UBAP2: variants seen among roughly 807,000 people sequenced by gnomAD.
UBAP2 encodes ubiquitin associated protein 2.
In UBAP2, 75 loss-of-function variants were observed where a neutral mutation model predicts 139.6. The observed-to-expected ratio is 0.54, with a 90% CI of 0.45 to 0.65. The LOEUF (loss-of-function observed/expected upper bound fraction) is 0.65. Among genes scored for constraint, UBAP2 ranks in the 30% least tolerant of loss-of-function variants. The probability of loss-of-function intolerance (pLI) is 0.00; values close to 1 mark genes in which losing one functional copy is unlikely to be tolerated. For missense variants in UBAP2, 1,368 were observed against 1,369.6 expected, an observed-to-expected ratio of 1.00 and a Z score of 0.02; for synonymous variants, 526 against 526.2, an observed-to-expected ratio of 1.00 and a Z score of 0.01.
chr9:33,931,837 C>CTT (rs1824009182), intron 19 of UBAP2, among the ~76,000 whole-genome samples: 1 of 152,174 alleles, frequency 6.6e-6, no homozygotes, highest in Admixed American at 6.5e-5. Context: ...GACCTGCCTA[C>CTT]TCCAACCTCG....
intron 4 of UBAP2, 77 bp from the exon 5 acceptor site, chr9:33,989,203 CTTTTTT>C (rs34957423): frequency 0.1 from 123,227 of 1,187,864 alleles, 3,892 homozygotes; most frequent in Non-Finnish European, 0.11. Flanking sequence ...ATGTATCTTT[CTTTTTT>C]TTTTTTTTTT....
chr9:34,023,001 C>T (rs1365262704), intron 1 of UBAP2, among the ~76,000 whole-genome samples: 2 of 151,794 alleles, frequency 1.3e-5, no homozygotes, highest in Non-Finnish European at 2.9e-5. Context: ...CCGAGGCAGG[C>T]GGATCACGAG....
chr9:33,925,885 T>C (rs1823386499), intron 22 of UBAP2, among the ~76,000 whole-genome samples: 1 of 152,054 alleles, frequency 6.6e-6, no homozygotes, highest in Non-Finnish European at 1.5e-5. Flanking sequence ...CCCTGGGAAA[T>C]GGCAGAGCAA....
intron 20 of UBAP2, 41 bp downstream of exon 20, chr9:33,927,756 G>A (rs1339246626): frequency 6.4e-7 from 1 of 1,559,248 alleles, no homozygotes; most frequent in African/African-American, 1.4e-5. Flanking sequence ...GCACCTTTGA[G>A]GGGCTCAGGG....
chr9:33,980,294 G>A (rs532703523), intron 6 of UBAP2, among the ~76,000 whole-genome samples: 1 of 123,178 alleles, frequency 8.1e-6, no homozygotes, highest in African/African-American at 3.0e-5. Flanking sequence ...GTGCAGTGGC[G>A]TGATCTCGGG....
At position 33,981,144 on chromosome 9, in the gene UBAP2, TATATATATATATATTCTGG is replaced by T. The variant is rs1342324429; in HGVS notation, c.520+5597_520+5615del. ...TATATATATATATATATATTCTGGA[TATATATATATATATTCTGG>T]ATATATATATATATATTCTGGATAT... On this transcript the variant is annotated intron_variant, in intron 6 of 28. Coordinates refer to ENST00000379238, the MANE Select transcript of UBAP2 (RefSeq NM_001370062.2). Among the ~76,000 whole-genome samples the T allele has an allele frequency of 7.5e-4, 20 of 26,752 alleles. 7 individuals carry two copies. Among genetic ancestry groups the T allele is most frequent in the South Asian group, 1.5e-3 (1 of 672 alleles). The allele number at this position is 26,752 out of a possible 152,430, so 17.6% of individuals were successfully genotyped here.
chr9:33,935,068 T>C (rs1322729413), intron 17 of UBAP2, among the ~76,000 whole-genome samples: 1 of 148,898 alleles, frequency 6.7e-6, no homozygotes, highest in East Asian at 2.0e-4. Context: ...AGAAAACTAC[T>C]ATAAACCATC....
At chr9:34,032,916 CAAAAAAA>C (rs71506153) in intron 1 of UBAP2, among the ~76,000 whole-genome samples, 1 of 118,074 alleles carries the variant, frequency 8.5e-6, no homozygotes, top group Non-Finnish European at 1.7e-5. Context: ...ACCCTGTCTT[CAAAAAAA>C]AAAAAAAAAA....
At chr9:33,936,012 G>T (rs1824479974) in intron 16 of UBAP2, 134 bp from the exon 17 acceptor site, 2 of 1,017,142 alleles carry the variant, frequency 2.0e-6, no homozygotes, top group Non-Finnish European at 2.8e-6. Flanking sequence ...TTAATAAAGG[G>T]AAGATAAACA....
At chr9:34,009,092 T>G (rs1823511543) in intron 2 of UBAP2, among the ~76,000 whole-genome samples, 1 of 151,236 alleles carries the variant, frequency 6.6e-6, no homozygotes, top group African/African-American at 2.4e-5. Flanking sequence ...CCCTAAAAAT[T>G]TGGTGTTTTG....
At chr9:33,973,142 G>A in intron 7 of UBAP2, 41 bp downstream of exon 7, 1 of 1,589,442 alleles carries the variant, frequency 6.3e-7, no homozygotes. Context: ...ATAAAAACTA[G>A]GGAAGTAAAT....
intron 16 of UBAP2, among the ~76,000 whole-genome samples, chr9:33,939,413 G>A (rs1387800914): frequency 2.0e-5 from 3 of 151,442 alleles, no homozygotes; most frequent in Non-Finnish European, 2.9e-5. Flanking sequence ...TGCCCAGGCT[G>A]GTCTCGAACT....
intron 12 of UBAP2, among the ~76,000 whole-genome samples, chr9:33,950,093 T>C (rs895083134): frequency 6.6e-6 from 1 of 152,122 alleles, no homozygotes; most frequent in Non-Finnish European, 1.5e-5. Flanking sequence ...TTTGAGACAG[T>C]CTCGCTCTGT....
chr9:33,998,921 C>T, intron 2 of UBAP2, 57 bp from the exon 3 acceptor site: 1 of 1,468,788 alleles, frequency 6.8e-7, no homozygotes, highest in East Asian at 2.3e-5. Context: ...AGTTAGATTC[C>T]AAAATCTGGG....
At chr9:33,930,455 AAACAAC>A (rs754708465) in intron 19 of UBAP2, among the ~76,000 whole-genome samples, 19 of 152,032 alleles carry the variant, frequency 1.2e-4, no homozygotes, top group African/African-American at 3.9e-4. Context: ...AACTGTGGGG[AAACAAC>A]AACAACAACA....
chr9:33,957,200 T>C (rs1826644298), intron 10 of UBAP2, among the ~76,000 whole-genome samples: 2 of 152,238 alleles, frequency 1.3e-5, no homozygotes, highest in Admixed American at 1.3e-4. Context: ...AATTTTACAT[T>C]TCATTTTTAT....
rs767685643 is a variant in UBAP2, at chr9:33,989,053, T to C, written c.362A>G (p.Glu121Gly). 2 of 1,614,002 alleles carry C rather than the reference T, an allele frequency of 1.2e-6. No individual in the cohort carries two copies. Among genetic ancestry groups the C allele is most frequent in the African/African-American group, 2.7e-5 (2 of 74,922 alleles). The change falls in exon 5 of 29, where the codon GAG becomes GGG. Residue 121 changes from glutamate to glycine, a missense_variant. Physicochemically the swap from Glu to Gly is moderately conservative, Grantham distance 98. Transcript: ENST00000379238. ...KENSENKENREKKSEKESSRG... is the reference protein window; with the variant it reads ...KENSENKENRGKKSEKESSRG... The stretch of plus-strand genomic sequence containing the variant: ...ACTCGATTCTTTCTCGCTTTTCTTC[T>C]CTCTATTCTCTTTGTTTTCTGAATT...
chr9:33,998,671 G>A, intron 3 of UBAP2, 116 bp downstream of exon 3: 1 of 858,754 alleles, frequency 1.2e-6, no homozygotes, highest in Non-Finnish European at 1.8e-6. Context: ...ACAGATTTCA[G>A]GTGAGACTAG....
chr9:34,038,535 T>G (rs1273552996), intron 1 of UBAP2, among the ~76,000 whole-genome samples: 1 of 152,224 alleles, frequency 6.6e-6, no homozygotes, highest in Non-Finnish European at 1.5e-5. Flanking sequence ...TCTGCCAGCC[T>G]AGGCCTCCTG....
Sources: gnomAD v4.1 joint callset for allele counts (sites outside exome capture counted in the v4.1 genomes callset) on GRCh38, gnomAD v4.1.1 for gene constraint, MANE v1.5 for transcripts, NCBI Gene and HGNC (gene_info 2026-07-23, HGNC 2026-07-21) for gene names.